Variants in SIRT2 observed in about 807,000 individuals in gnomAD.
The protein encoded by SIRT2 is sirtuin 2, also known as NAD-dependent protein deacetylase sirtuin-2.
Under a neutral mutation model 57.4 loss-of-function variants are expected in SIRT2, and 40 were observed. That is an observed-to-expected ratio of 0.70 (90% CI 0.54 to 0.91). The LOEUF is 0.91. Among genes scored for constraint, SIRT2 ranks in the 40% least tolerant of loss-of-function variants. The pLI, the probability that SIRT2 is intolerant of heterozygous loss-of-function variation, is 0.00. For missense variants in SIRT2, 439 were observed against 510.4 expected, an observed-to-expected ratio of 0.86 and a Z score of 1.35; for synonymous variants, 161 against 195.7, an observed-to-expected ratio of 0.82 and a Z score of 1.48.
At chr19:38,889,202 A>G (rs1471212696) in intron 7 of SIRT2, 47 bp from the exon 8 acceptor site, 1 of 1,545,714 alleles carries the variant, frequency 6.5e-7, no homozygotes, top group Admixed American at 1.7e-5. Flanking sequence ...GGGAACAGCC[A>G]CAGGCCACTG....
chr19:38,879,408 C>G, intron 15 of SIRT2, 26 bp downstream of exon 15: 1 of 1,589,852 alleles, frequency 6.3e-7, no homozygotes. Context: ...GGGCTCAGGA[C>G]AGGCTGGGGT....
rs1172874320 is a variant in SIRT2 at position 38,889,954 on chromosome 19, G to A, written c.276C>T (p.Gly92=). ...TGGATGGAGAGCGAAAGTCGGGGATGCCTGCGGCTAGGAAAGGGGGGTCAG... is the reference window on the plus strand; with the variant it reads ...TGGATGGAGAGCGAAAGTCGGGGATACCTGCGGCTAGGAAAGGGGGGTCAG... ...LVGAGISTSA[G]IPDFRSPSTG... The change falls in exon 6 of 16, where the codon GGC becomes GGT. Residue 92 remains glycine, a synonymous_variant. Transcript: ENST00000249396. 7 of 1,614,018 alleles carry A rather than the reference G, an allele frequency of 4.3e-6. No homozygotes were observed. The highest frequency in any genetic ancestry group is 5.9e-6 in the Non-Finnish European group (7 of 1,179,984).
Position 38,897,040 on chromosome 19 carries a change from G to C in SIRT2, c.63+1339C>G, listed in dbSNP as rs1600132094. ...ACAGGTGGCGTGCCCAGTGCTGGGG[G>C]ACTCAAACCCTTCCCTGCTCCTGTA... On this transcript the variant is annotated intron_variant, in intron 2 of 15. Coordinates refer to ENST00000249396, the MANE Select transcript of SIRT2 (RefSeq NM_012237.4). Among the ~76,000 whole-genome samples the C allele has an allele frequency of 8.5e-5, 13 of 152,178 alleles. No homozygotes were observed. The South Asian group carries it at 2.7e-3, about 32-fold the overall frequency.
chr19:38,897,761 A>G (rs1973768055), intron 2 of SIRT2, among the ~76,000 whole-genome samples: 1 of 152,156 alleles, frequency 6.6e-6, no homozygotes, highest in South Asian at 2.1e-4. Flanking sequence ...CCTGGGCTCA[A>G]GCGATCCTCC....
intron 8 of SIRT2, among the ~76,000 whole-genome samples, chr19:38,885,735 C>T (rs1473443167): frequency 1.3e-5 from 2 of 151,950 alleles, no homozygotes; most frequent in Non-Finnish European, 1.5e-5. Context: ...GGAACACAGG[C>T]ACGCGCCACC....
intron 8 of SIRT2, among the ~76,000 whole-genome samples, chr19:38,886,620 ATTTT>A (rs551831229): frequency 7.2e-6 from 1 of 138,714 alleles, no homozygotes. Context: ...TGCCTGGCTA[ATTTT>A]TTTTTTTTTT....
intron 4 of SIRT2, among the ~76,000 whole-genome samples, chr19:38,892,783 G>A (rs769887238): frequency 6.6e-6 from 1 of 151,484 alleles, no homozygotes; most frequent in Non-Finnish European, 1.5e-5. Context: ...TCACTATGTT[G>A]CCCAGGCTGG....
intron 14 of SIRT2, 56 bp downstream of exon 14, chr19:38,879,576 C>G (rs542889209): frequency 2.0e-5 from 31 of 1,554,206 alleles, no homozygotes; most frequent in East Asian, 7.3e-5. Flanking sequence ...TTCGTGCCCC[C>G]GCTCCCACCT....
At position 38,878,860 on chromosome 19, in the gene SIRT2, C is replaced by A; in HGVS notation, c.*295G>T. The A allele has an allele frequency of 2.9e-6, 1 of 343,046 alleles. No individual in the cohort carries two copies. Among genetic ancestry groups the A allele is most frequent in the Non-Finnish European group, 5.2e-6 (1 of 191,040 alleles). The allele number at this position is 343,046 out of a possible 1,614,324, so 21.3% of individuals were successfully genotyped here. ...AAGAGTTAAAAGTTCTGGGGTAGCCCTGGCCCCGTGGGGGCAGTTAGAGAT... is the reference window on the plus strand; with the variant it reads ...AAGAGTTAAAAGTTCTGGGGTAGCCATGGCCCCGTGGGGGCAGTTAGAGAT... On this transcript the variant is annotated 3_prime_UTR_variant, in exon 16 of 16. Coordinates refer to ENST00000249396, the MANE Select transcript of SIRT2 (RefSeq NM_012237.4).
At chr19:38,892,738 ATT>A (rs5828021) in intron 4 of SIRT2, among the ~76,000 whole-genome samples, 40 of 148,458 alleles carry the variant, frequency 2.7e-4, no homozygotes, top group African/African-American at 7.0e-4. Flanking sequence ...ATATCTGACT[ATT>A]TTTTTTTTTC....
intron 4 of SIRT2, chr19:38,891,785 G>A (rs560419097): frequency 7.6e-5 from 34 of 448,054 alleles, no homozygotes; most frequent in Non-Finnish European, 1.5e-4. Flanking sequence ...ACCCTCATGA[G>A]CCAATTACCC....
At chr19:38,890,255 G>A (rs978445084) in intron 4 of SIRT2, 111 bp from the exon 5 acceptor site, 1 of 1,072,362 alleles carries the variant, frequency 9.3e-7, no homozygotes, top group Non-Finnish European at 1.4e-6. Flanking sequence ...CCTGGGGCAA[G>A]CATCTCAGAT....
rs915921397 is a variant in SIRT2 at position 38,878,932 on chromosome 19, T to C, written c.*223A>G. On this transcript the variant is annotated 3_prime_UTR_variant, in exon 16 of 16. Coordinates refer to ENST00000249396, the MANE Select transcript of SIRT2 (RefSeq NM_012237.4). ...CAGGAGTGGTTAGAGACAGTGGGGC[T>C]GGTAGAGATGCCTGTTTAAGCCTTG... 3.8e-6 allele frequency: 2 copies of C among 520,086 alleles called. No homozygotes were observed. Among genetic ancestry groups the C allele is most frequent in the Admixed American group, 3.9e-5 (1 of 25,640 alleles). 32.2% of individuals were successfully genotyped at this position (520,086 alleles called of 1,614,324 possible).
Position 38,899,608 on chromosome 19 carries a change from T to G in SIRT2, c.-87A>C. 1 of 1,552,230 alleles carries G rather than the reference T, an allele frequency of 6.4e-7. No individual in the cohort carries two copies. Among genetic ancestry groups the G allele is most frequent in the Non-Finnish European group, 8.9e-7 (1 of 1,125,164 alleles). ...TGTCCCGTCACCGACTGCTCTGTCC[T>G]GTCACCGACTGCTCTGTCCCGTGAC... On this transcript the variant is annotated 5_prime_UTR_variant, in exon 1 of 16. Coordinates refer to ENST00000249396, the MANE Select transcript of SIRT2 (RefSeq NM_012237.4).
Position 38,880,911 on chromosome 19 carries a change from C to T in SIRT2, c.748-14G>A, listed in dbSNP as rs112848414. On this transcript the variant is annotated splice_polypyrimidine_tract_variant and intron_variant, in intron 11 of 15. Coordinates refer to ENST00000249396, the MANE Select transcript of SIRT2 (RefSeq NM_012237.4). The surrounding 1 kb of genome is among the most constrained non-coding windows in gnomAD (Gnocchi z 4.1). ...CTTCAGGAAGTCCTGCGGGGAGGGG[C>T]GTGAGCTTGGGAGCCTCCGCCCAGG... 46 of 1,612,516 alleles carry T rather than the reference C, an allele frequency of 2.9e-5. No homozygotes were observed. The highest frequency in any genetic ancestry group is 2.5e-4 in the African/African-American group (19 of 74,990).
chr19:38,887,987 C>G (rs1415386258), intron 8 of SIRT2, among the ~76,000 whole-genome samples: 2 of 152,074 alleles, frequency 1.3e-5, no homozygotes, highest in Non-Finnish European at 2.9e-5. Context: ...AACTCCTGAC[C>G]TCGTGATCTG....
intron 8 of SIRT2, among the ~76,000 whole-genome samples, chr19:38,886,612 C>A (rs1405262715): frequency 6.7e-6 from 1 of 149,382 alleles, no homozygotes; most frequent in Non-Finnish European, 1.5e-5. Flanking sequence ...CACTACCATG[C>A]CTGGCTAATT....
chr19:38,894,934 G>A (rs966220440), intron 2 of SIRT2: 22 of 455,752 alleles, frequency 4.8e-5, no homozygotes, highest in South Asian at 1.9e-4. Flanking sequence ...CTTGCCCTAG[G>A]TGCCCCCCAG....
intron 4 of SIRT2, 74 bp from the exon 5 acceptor site, chr19:38,890,218 C>T (rs1447405825): frequency 4.0e-6 from 6 of 1,504,322 alleles, no homozygotes; most frequent in Non-Finnish European, 5.5e-6. Flanking sequence ...CATCACAGCC[C>T]CTGACATCGT....
Sources: allele counts gnomAD v4.1 joint callset (sites outside exome capture counted in the v4.1 genomes callset), GRCh38; gene constraint gnomAD v4.1.1; non-coding constraint Gnocchi (gnomAD v3.1); transcripts MANE v1.5; gene names NCBI Gene and HGNC (gene_info 2026-07-23, HGNC 2026-07-21).